TXLNB: variants seen among roughly 807,000 people sequenced by gnomAD.
TXLNB encodes taxilin beta, also known as beta-taxilin.
In TXLNB, 37 loss-of-function variants were observed where a neutral mutation model predicts 57.4. The ratio of observed to expected loss-of-function variants is 0.64; its 90% CI spans 0.50 to 0.85. The LOEUF is 0.85. Among genes scored for constraint, TXLNB ranks in the 40% least tolerant of loss-of-function variants. The probability of loss-of-function intolerance (pLI) is 0.00; values close to 1 mark genes in which losing one functional copy is unlikely to be tolerated. For missense variants in TXLNB, 848 were observed against 825.6 expected, an observed-to-expected ratio of 1.03 and a Z score of -0.33; for synonymous variants, 302 against 309.6, an observed-to-expected ratio of 0.98 and a Z score of 0.26.
chr6:139,225,481 T>C, the TXLNB span, among the ~76,000 whole-genome samples: 6 of 152,308 alleles, frequency 3.9e-5, no homozygotes, highest in African/African-American at 1.2e-4. Context: ...ATGAAGTTGC[T>C]AGCTACAAAG....
chr6:139,169,775 C>G, the TXLNB span: 2 of 152,208 alleles, frequency 1.3e-5, no homozygotes, highest in Non-Finnish European at 2.9e-5. Context: ...GCTGCAGAGT[C>G]TGTCTCTAGA....
At chr6:139,287,875 G>GT (rs11399668) in intron 2 of TXLNB, among the ~76,000 whole-genome samples, 53,422 of 152,002 alleles carry the variant, frequency 0.35, 10,638 homozygotes, top group African/African-American at 0.55. Context: ...CATGTCTTCT[G>GT]TTTTCTCTAT....
At chr6:139,303,419 T>C in the TXLNB span, among the ~76,000 whole-genome samples, 2 of 152,250 alleles carry the variant, frequency 1.3e-5, no homozygotes, top group African/African-American at 4.8e-5. Flanking sequence ...ATATATTAGG[T>C]TCCTGAGGGA....
chr6:139,229,930 T>C, the TXLNB span, among the ~76,000 whole-genome samples: 1 of 152,216 alleles, frequency 6.6e-6, no homozygotes, highest in Non-Finnish European at 1.5e-5. Context: ...CTTATTACTT[T>C]GTACTATTTC....
At position 139,262,585 on chromosome 6, in the gene TXLNB, T is replaced by G. The variant is rs746171699; in HGVS notation, c.876A>C (p.Arg292Ser). ...TGTTTGATGTGGTTCTCACCTCCTC[T>G]CTGAGCTCATACTGATCGATGATGC... The part of the protein sequence containing the change: ...LKSIIDQYEL[R>S]EEHLDKIFKH... The change falls in exon 5 of 10, where the codon AGA becomes AGC. Residue 292 changes from arginine to serine, a missense_variant. By Grantham distance (110) the Arg-to-Ser change is moderately radical. Coordinates refer to ENST00000358430, the MANE Select transcript of TXLNB (RefSeq NM_153235.4). The G allele has an allele frequency of 1.2e-6, 2 of 1,612,880 alleles. No individual in the cohort carries two copies. Among genetic ancestry groups the G allele is most frequent in the East Asian group, 2.2e-5 (1 of 44,868 alleles).
At chr6:139,282,606 T>G (rs1267411136) in intron 2 of TXLNB, among the ~76,000 whole-genome samples, 1 of 145,404 alleles carries the variant, frequency 6.9e-6, no homozygotes, top group Non-Finnish European at 1.5e-5. Flanking sequence ...TGTAAATGGA[T>G]GTCTGAAGAC....
At chr6:139,216,826 A>G in the TXLNB span, among the ~76,000 whole-genome samples, 4 of 152,238 alleles carry the variant, frequency 2.6e-5, no homozygotes, top group South Asian at 6.2e-4. Context: ...GAGGATGCAA[A>G]GGCATAAGTA....
chr6:139,169,848 A>C, the TXLNB span: 1 of 152,208 alleles, frequency 6.6e-6, no homozygotes, highest in Non-Finnish European at 1.5e-5. Context: ...TATAAGTCCT[A>C]AGTCTAGCCC....
At chr6:139,290,058 G>A (rs1180770141) in intron 1 of TXLNB, among the ~76,000 whole-genome samples, 1 of 152,116 alleles carries the variant, frequency 6.6e-6, no homozygotes, top group African/African-American at 2.4e-5. Flanking sequence ...TTAAGACAGG[G>A]AATGAGGGAA....
upstream of TXLNB, among the ~76,000 whole-genome samples, chr6:139,292,545 G>C (rs911304506): frequency 6.6e-6 from 1 of 152,134 alleles, no homozygotes; most frequent in African/African-American, 2.4e-5. This position sits in a 1 kb window ranked among gnomAD's most constrained non-coding sequence, Gnocchi z 4.0. Context: ...GTCATTGTTT[G>C]GTTTGTTTGC....
At chr6:139,261,767 T>C (rs1230406631) in intron 5 of TXLNB, among the ~76,000 whole-genome samples, 2 of 152,120 alleles carry the variant, frequency 1.3e-5, no homozygotes, top group Non-Finnish European at 2.9e-5. Context: ...TTAAATGCCA[T>C]ATGGTATGTA....
the TXLNB span, among the ~76,000 whole-genome samples, chr6:139,167,682 C>T: frequency 1.3e-5 from 2 of 152,106 alleles, no homozygotes; most frequent in African/African-American, 4.8e-5. Flanking sequence ...CCTCTTAGAT[C>T]CTTATAAACA....
At position 139,267,601 on chromosome 6, in the gene TXLNB, T is replaced by C. The variant is rs572203604; in HGVS notation, c.687+2855A>G. ...CAAAGCAGAGGTGACAAATAATAAA[T>C]AATAAAATGGTAGACATATATCAAA... On this transcript the variant is annotated intron_variant, in intron 4 of 9. Transcript: ENST00000358430. Among the ~76,000 whole-genome samples, 6 of 152,146 alleles carry C rather than the reference T, an allele frequency of 3.9e-5. No homozygotes were observed. The South Asian group carries it at 1.0e-3, about 26-fold the overall frequency.
intron 2 of TXLNB, among the ~76,000 whole-genome samples, chr6:139,284,704 C>T (rs1225646574): frequency 2.1e-5 from 3 of 145,418 alleles, no homozygotes; most frequent in Admixed American, 2.0e-4. Flanking sequence ...CTACAAACTC[C>T]AAATATCTGT....
the TXLNB span, among the ~76,000 whole-genome samples, chr6:139,206,748 G>A: frequency 6.6e-6 from 1 of 151,842 alleles, no homozygotes; most frequent in Non-Finnish European, 1.5e-5. Context: ...CTGTCTTCAT[G>A]AGACTTACCT....
the TXLNB span, among the ~76,000 whole-genome samples, chr6:139,214,122 A>G: frequency 6.6e-6 from 1 of 152,192 alleles, no homozygotes; most frequent in East Asian, 1.9e-4. Context: ...TCCCTAACTC[A>G]TTTTATGAGG....
chr6:139,207,600 C>A, the TXLNB span, among the ~76,000 whole-genome samples: 1 of 152,078 alleles, frequency 6.6e-6, no homozygotes, highest in Admixed American at 6.6e-5. Flanking sequence ...AAACTAAATA[C>A]AAGCCCAGCA....
chr6:139,216,719 C>G, the TXLNB span, among the ~76,000 whole-genome samples: 1 of 152,038 alleles, frequency 6.6e-6, no homozygotes, highest in African/African-American at 2.4e-5. Context: ...TTTGCAGCAA[C>G]TTGGATGGAG....
chr6:139,314,626 T>G, the TXLNB span, among the ~76,000 whole-genome samples: 1 of 152,250 alleles, frequency 6.6e-6, no homozygotes, highest in African/African-American at 2.4e-5. Flanking sequence ...TCACTTAGAT[T>G]TGGCTTGGAA....
Sources: allele counts gnomAD v4.1 joint callset (sites outside exome capture counted in the v4.1 genomes callset), GRCh38; gene constraint gnomAD v4.1.1; non-coding constraint Gnocchi (gnomAD v3.1); transcripts MANE v1.5; gene names NCBI Gene and HGNC (gene_info 2026-07-23, HGNC 2026-07-21).